ANKRD55: variants seen among roughly 807,000 people sequenced by gnomAD.
ANKRD55 encodes ankyrin repeat domain-containing protein 55.
ANKRD55 carries 41 observed loss-of-function variants against 60.6 expected under a neutral mutation model. The observed-to-expected ratio is 0.68, with a 90% CI of 0.53 to 0.88. The LOEUF is 0.88. Ranked by LOEUF, ANKRD55 falls within the 40% of genes least tolerant of loss-of-function variation. The probability of loss-of-function intolerance (pLI) is 0.00; values close to 1 mark genes in which losing one functional copy is unlikely to be tolerated. For synonymous variants in ANKRD55, 264 were observed against 290.3 expected (o/e 0.91, Z 0.92); for missense variants, 732 against 767.6 (o/e 0.95, Z 0.55).
chr5:56,210,905 C>T (rs920050508), intron 2 of ANKRD55, among the ~76,000 whole-genome samples: 1 of 152,090 alleles, frequency 6.6e-6, no homozygotes, highest in Non-Finnish European at 1.5e-5. Context: ...TTCTCCCTTT[C>T]CTTGCTTAAT....
intron 8 of ANKRD55, among the ~76,000 whole-genome samples, chr5:56,120,400 C>T (rs961633068): frequency 2.6e-5 from 4 of 152,200 alleles, no homozygotes; most frequent in Non-Finnish European, 5.9e-5. Flanking sequence ...TTCTACCTCG[C>T]CTCTTTCCCC....
chr5:56,108,036 A>AT (rs1470809056), intron 10 of ANKRD55, among the ~76,000 whole-genome samples: 6 of 151,590 alleles, frequency 4.0e-5, no homozygotes, highest in South Asian at 2.1e-4. Flanking sequence ...CTCCTGGCTA[A>AT]TTTTTTTTGT....
chr5:56,113,188 G>T lies in ANKRD55; in HGVS notation c.966-1406C>A, dbSNP rs77659690. 2.0e-5 allele frequency among the ~76,000 whole-genome samples: 3 copies of T among 152,242 alleles called. No homozygotes were observed. In the South Asian group the frequency reaches 6.2e-4, roughly 32 times the overall value. On this transcript the variant is annotated intron_variant, in intron 9 of 11. Transcript: ENST00000341048. ...ACTGAACCCTTGGAGAGGGATCCCC[G>T]ACTTTTTAAGGGGTTTATGGCATTA...
chr5:56,177,941 A>G (rs1055385563), intron 3 of ANKRD55, among the ~76,000 whole-genome samples: 3 of 152,190 alleles, frequency 2.0e-5, no homozygotes, highest in African/African-American at 7.2e-5. Context: ...CTGGATGTCC[A>G]TGTTATAATT....
intron 2 of ANKRD55, among the ~76,000 whole-genome samples, chr5:56,218,517 T>C (rs1561296786): frequency 1.3e-5 from 2 of 152,246 alleles, no homozygotes; most frequent in Non-Finnish European, 2.9e-5. Context: ...GATCGTTAGC[T>C]TTTCTTTAGC....
intron 8 of ANKRD55, chr5:56,125,608 T>A (rs1407548696): frequency 6.6e-6 from 1 of 152,158 alleles, no homozygotes; most frequent in African/African-American, 2.4e-5. Flanking sequence ...TGATTTATAC[T>A]TTAATTTTAC....
chr5:56,182,036 A>G (rs1033304820), intron 3 of ANKRD55, among the ~76,000 whole-genome samples: 16 of 152,198 alleles, frequency 1.1e-4, no homozygotes, highest in African/African-American at 3.9e-4. Context: ...ACTAGCTCAT[A>G]AACATAACTG....
intron 1 of ANKRD55, 85 bp from the exon 2 acceptor site, chr5:56,233,031 G>A (rs1561302411): frequency 1.1e-6 from 1 of 889,056 alleles, no homozygotes; most frequent in African/African-American, 1.7e-5. Flanking sequence ...TCTGTTTCAG[G>A]ATTAAATGTG....
At chr5:56,173,801 C>T (rs1449988675) in intron 4 of ANKRD55, among the ~76,000 whole-genome samples, 1 of 151,944 alleles carries the variant, frequency 6.6e-6, no homozygotes, top group Admixed American at 6.6e-5. Flanking sequence ...GCCTCTTGGC[C>T]TCCCAAAGTA....
intron 3 of ANKRD55, among the ~76,000 whole-genome samples, chr5:56,179,575 T>C (rs1377729116): frequency 6.6e-6 from 1 of 152,164 alleles, no homozygotes; most frequent in Non-Finnish European, 1.5e-5. Context: ...TTAGGTAAGG[T>C]GTGCAGGAAG....
intron 6 of ANKRD55, among the ~76,000 whole-genome samples, chr5:56,153,159 A>C (rs1758097775): frequency 6.6e-6 from 1 of 152,198 alleles, no homozygotes. Context: ...GATATAATAA[A>C]GACCATTATG....
chr5:56,228,238 A>G (rs976097243), intron 2 of ANKRD55, among the ~76,000 whole-genome samples: 1 of 152,118 alleles, frequency 6.6e-6, no homozygotes, highest in Admixed American at 6.6e-5. Flanking sequence ...TGGTCCCTAA[A>G]TGCAATCACA....
intron 7 of ANKRD55, among the ~76,000 whole-genome samples, chr5:56,130,805 TA>T (rs777999630): frequency 2.3e-4 from 35 of 152,194 alleles, no homozygotes; most frequent in Non-Finnish European, 4.7e-4. Context: ...GAACAAATAA[TA>T]AATGCTGGAG....
intron 2 of ANKRD55, among the ~76,000 whole-genome samples, chr5:56,189,345 T>TA (rs1759041905): frequency 6.6e-6 from 1 of 150,828 alleles, no homozygotes; most frequent in Admixed American, 6.6e-5. Context: ...AAAAGATACA[T>TA]AAAATTTAAA....
At chr5:56,219,251 G>A (rs1759900220) in intron 2 of ANKRD55, among the ~76,000 whole-genome samples, 1 of 133,178 alleles carries the variant, frequency 7.5e-6, no homozygotes, top group African/African-American at 3.0e-5. Context: ...CCAGCCTGGG[G>A]GATAGAGCAA....
intron 7 of ANKRD55, chr5:56,137,476 A>AG: frequency 1.2e-6 from 1 of 806,622 alleles, no homozygotes; most frequent in Non-Finnish European, 2.2e-6. Context: ...ATTGCCCAGA[A>AG]GAAAAAGATA....
chr5:56,102,647 G>T, intron 10 of ANKRD55, 61 bp from the exon 11 acceptor site: 1 of 1,152,456 alleles, frequency 8.7e-7, no homozygotes, highest in Non-Finnish European at 1.3e-6. Context: ...ATTACAGAAT[G>T]CAATGGATAA....
At chr5:56,225,618 T>C (rs1204521449) in intron 2 of ANKRD55, among the ~76,000 whole-genome samples, 3 of 152,216 alleles carry the variant, frequency 2.0e-5, no homozygotes, top group Non-Finnish European at 4.4e-5. Flanking sequence ...CTTAAGCTGA[T>C]AAGCAACTTC....
At chr5:56,228,516 C>G (rs1760173366) in intron 2 of ANKRD55, among the ~76,000 whole-genome samples, 1 of 151,816 alleles carries the variant, frequency 6.6e-6, no homozygotes, top group African/African-American at 2.4e-5. Context: ...ACCTCCGCCT[C>G]CTGAGTTCAA....
Sources: allele counts gnomAD v4.1 joint callset (sites outside exome capture counted in the v4.1 genomes callset), GRCh38; gene constraint gnomAD v4.1.1; transcripts MANE v1.5; gene names NCBI Gene and HGNC (gene_info 2026-07-23, HGNC 2026-07-21).